Variants in ZNF566 observed in about 807,000 individuals in gnomAD.
ZNF566 encodes zinc finger protein 566.
In ZNF566, 27 loss-of-function variants were observed where a neutral mutation model predicts 32.8. The ratio of observed to expected loss-of-function variants is 0.82; its 90% CI spans 0.61 to 1.14. The LOEUF (loss-of-function observed/expected upper bound fraction) is 1.14, where lower values mean the gene tolerates loss of function less well. Among genes scored for constraint, ZNF566 ranks in the 50% most tolerant of loss-of-function variants. The pLI, the probability that ZNF566 is intolerant of heterozygous loss-of-function variation, is 0.00. For synonymous variants in ZNF566, 154 were observed against 159.5 expected (o/e 0.97, Z 0.26); for missense variants, 402 against 490.4 (o/e 0.82, Z 1.70).
chr19:36,485,552 A>T (rs2145713380), intron 1 of ZNF566, among the ~76,000 whole-genome samples: 1 of 151,874 alleles, frequency 6.6e-6, no homozygotes, highest in Admixed American at 6.6e-5. Context: ...ACCTGAGGTC[A>T]GGAGTTCGAG....
chr19:36,487,665 T>G (rs1034801223), intron 1 of ZNF566, among the ~76,000 whole-genome samples: 4 of 152,138 alleles, frequency 2.6e-5, no homozygotes, highest in Admixed American at 2.6e-4. Flanking sequence ...CCCAGCACTT[T>G]GGGAGGCCAA....
In ZNF566 at chr19:36,447,468, C is replaced by T. The variant is rs1408014056; in HGVS notation, c.*1509G>A. The T allele has an allele frequency of 6.6e-6, 1 of 152,124 alleles. No homozygotes were observed. The highest frequency in any genetic ancestry group is 1.5e-5 in the Non-Finnish European group (1 of 68,022). The allele number at this position is 152,124 out of a possible 1,614,324, so 9.4% of individuals were successfully genotyped here. A position where few individuals can be genotyped will look rare whatever the true frequency, so the allele number is the denominator to read the frequency against. ...AGAGTCTTTGAAGAGTCCTAATTTT[C>T]TTGGAGTCAATATTGATGTATATTT... On this transcript the variant is annotated 3_prime_UTR_variant, in exon 5 of 5. Coordinates refer to ENST00000452939, the MANE Select transcript of ZNF566 (RefSeq NM_001145344.1).
At chr19:36,476,905 T>C (rs1007148630) in intron 1 of ZNF566, among the ~76,000 whole-genome samples, 1 of 152,238 alleles carries the variant, frequency 6.6e-6, no homozygotes, top group Non-Finnish European at 1.5e-5. Context: ...CACGTTGCTA[T>C]TTTTACTTTA....
chr19:36,474,594 C>G (rs1027663902), intron 2 of ZNF566, among the ~76,000 whole-genome samples: 1 of 152,024 alleles, frequency 6.6e-6, no homozygotes, highest in South Asian at 2.1e-4. Context: ...GTGGGTTTAT[C>G]GAAAAATGGT....
At chr19:36,452,803 T>C (rs556319442) in intron 4 of ZNF566, among the ~76,000 whole-genome samples, 2 of 152,228 alleles carry the variant, frequency 1.3e-5, no homozygotes, top group African/African-American at 4.8e-5. Context: ...AGTGTATAAA[T>C]CACTTTTAAC....
At position 36,449,345 on chromosome 19, in the gene ZNF566, T is replaced by C. The variant is rs868854268; in HGVS notation, c.889A>G (p.Asn297Asp). The C allele has an allele frequency of 6.2e-7, 1 of 1,614,146 alleles. No homozygotes were observed. The highest frequency in any genetic ancestry group is 8.5e-7 in the Non-Finnish European group (1 of 1,180,010). Residue 297 changes from asparagine to aspartate, a missense_variant, in exon 5 of 5, where the codon AAC (asparagine) becomes GAC (aspartate). Physicochemically the swap from Asn to Asp is conservative, Grantham distance 23. Coordinates refer to ENST00000452939, the MANE Select transcript of ZNF566 (RefSeq NM_001145344.1). ...ECGKAFSSGSNFTQHQRIHTG... is the reference protein window; with the variant it reads ...ECGKAFSSGSDFTQHQRIHTG... ...TGAATTCTCTGATGTTGAGTAAAGT[T>C]TGAGCCACTACTAAAGGCCTTCCCG...
At position 36,474,377 on chromosome 19, in the gene ZNF566, A is replaced by G. The variant is rs190836881; in HGVS notation, c.10-919T>C. On this transcript the variant is annotated intron_variant, in intron 2 of 4. Transcript: ENST00000452939. ...AAATGACTAGGCAAATGAGGGGGGA[A>G]GCAATTAACCCCAGGAAAATGAAGG... Among the ~76,000 whole-genome samples, 387 of 152,326 alleles carry G rather than the reference A, an allele frequency of 2.5e-3. 1 individual carries two copies. Among genetic ancestry groups the G allele is most frequent in the African/African-American group, 8.5e-3 (355 of 41,586 alleles).
At position 36,449,719 on chromosome 19, in the gene ZNF566, G is replaced by A. The variant is rs1262886336; in HGVS notation, c.515C>T (p.Ala172Val). The change falls in exon 5 of 5, where the codon GCA (alanine) becomes GTA (valine). Residue 172 changes from alanine (A) to valine (V), a missense_variant. Transcript: ENST00000452939. ...AAAGGTTTTCCTATATTCTTTAGAT[G>A]CACAGAATTTCTTTTTACTGTTAAT... ...QIINSKKKFC[A>V]SKEYRKTFRH... 1.2e-6 allele frequency: 2 copies of A among 1,613,966 alleles called. No individual in the cohort carries two copies. The highest frequency in any genetic ancestry group is 2.7e-5 in the African/African-American group (2 of 74,900).
chr19:36,450,407 C>T lies in ZNF566; in HGVS notation c.233-406G>A, dbSNP rs567123529. Among the ~76,000 whole-genome samples, 8 of 152,130 alleles carry T rather than the reference C, an allele frequency of 5.3e-5. No individual in the cohort carries two copies. In the South Asian group the frequency reaches 1.0e-3, roughly 20 times the overall value. On this transcript the variant is annotated intron_variant, in intron 4 of 4. Transcript: ENST00000452939. ...ACATCTGTAATCCCAGCACCTTGGG[C>T]GGGTGAGGCAGGCAGATCACTTGGT...
chr19:36,480,009 C>T (rs530958927), intron 1 of ZNF566, among the ~76,000 whole-genome samples: 1 of 151,776 alleles, frequency 6.6e-6, no homozygotes, highest in Admixed American at 6.6e-5. Context: ...AAAATGAACA[C>T]ATATATTTGT....
chr19:36,476,716 G>T, intron 1 of ZNF566, 100 bp from the exon 2 acceptor site: 1 of 974,652 alleles, frequency 1.0e-6, no homozygotes, highest in Non-Finnish European at 1.5e-6. Context: ...AAATGCTTGT[G>T]GGGTATCAGT....
intron 2 of ZNF566, among the ~76,000 whole-genome samples, chr19:36,475,533 A>G (rs1256004444): frequency 2.0e-5 from 3 of 152,170 alleles, no homozygotes; most frequent in Admixed American, 6.6e-5. Flanking sequence ...GCTTTTCCCT[A>G]TAAGGTGCCC....
intron 1 of ZNF566, among the ~76,000 whole-genome samples, chr19:36,486,699 GA>G (rs1157690696): frequency 1.4e-5 from 2 of 145,848 alleles, no homozygotes; most frequent in Non-Finnish European, 3.0e-5. Flanking sequence ...ATGAAAGAAA[GA>G]AAGAAAAGAA....
intron 4 of ZNF566, among the ~76,000 whole-genome samples, chr19:36,454,047 AC>A (rs1285261396): frequency 6.6e-6 from 1 of 151,528 alleles, no homozygotes; most frequent in East Asian, 1.9e-4. Flanking sequence ...CTGGTTTCCA[AC>A]TCCTGACCTC....
At chr19:36,474,184 T>C (rs1045397330) in intron 2 of ZNF566, among the ~76,000 whole-genome samples, 1 of 152,022 alleles carries the variant, frequency 6.6e-6, no homozygotes, top group African/African-American at 2.4e-5. Flanking sequence ...GTAGGTAAAG[T>C]TTCAGGAAAG....
chr19:36,471,489 A>G (rs1234726482), intron 4 of ZNF566, among the ~76,000 whole-genome samples: 1 of 152,038 alleles, frequency 6.6e-6, no homozygotes, highest in Non-Finnish European at 1.5e-5. Flanking sequence ...GCATTCCTCC[A>G]TCTGGAGTGG....
chr19:36,484,341 A>C (rs1465856481), intron 1 of ZNF566, among the ~76,000 whole-genome samples: 1 of 152,188 alleles, frequency 6.6e-6, no homozygotes, highest in Non-Finnish European at 1.5e-5. Flanking sequence ...GTTCGTCCAT[A>C]AGGACTCAAA....
intron 4 of ZNF566, among the ~76,000 whole-genome samples, chr19:36,450,745 A>T (rs368478799): frequency 9.6e-4 from 146 of 152,348 alleles, no homozygotes; most frequent in African/African-American, 3.0e-3. Context: ...ATTCCCAGAG[A>T]TCAGTAAACT....
chr19:36,480,842 C>T (rs1445932234), intron 1 of ZNF566, among the ~76,000 whole-genome samples: 5 of 151,510 alleles, frequency 3.3e-5, no homozygotes, highest in African/African-American at 1.2e-4. Context: ...GAGTTCGAGA[C>T]CAGCCTGGCC....
Sources: allele counts gnomAD v4.1 joint callset (sites outside exome capture counted in the v4.1 genomes callset), GRCh38; gene constraint gnomAD v4.1.1; transcripts MANE v1.5; gene names NCBI Gene and HGNC (gene_info 2026-07-23, HGNC 2026-07-21).